GPR158: variants seen among roughly 807,000 people sequenced by gnomAD.
GPR158 encodes metabotropic glycine receptor.
Under a neutral mutation model 78.2 loss-of-function variants are expected in GPR158, and 30 were observed. The ratio of observed to expected loss-of-function variants is 0.38; its 90% CI spans 0.29 to 0.52. GPR158 has a LOEUF of 0.52. GPR158 is among the 20% of genes least tolerant of loss of function. GPR158 has a pLI of 0.83. For synonymous variants in GPR158, 581 were observed against 591.1 expected, an observed-to-expected ratio of 0.98 and a Z score of 0.25; for missense variants, 1,463 against 1,523.5, an observed-to-expected ratio of 0.96 and a Z score of 0.66.
chr10:25,420,010 G>T (rs2130559370), intron 4 of GPR158, among the ~76,000 whole-genome samples: 1 of 151,954 alleles, frequency 6.6e-6, no homozygotes, highest in South Asian at 2.1e-4. Context: ...AGGTTATTTG[G>T]TTTTTCATTG....
chr10:25,326,424 T>C (rs1390669557), intron 2 of GPR158, among the ~76,000 whole-genome samples: 1 of 152,194 alleles, frequency 6.6e-6, no homozygotes, highest in Non-Finnish European at 1.5e-5. Flanking sequence ...TTTTTAAATA[T>C]ATTTTGGATG....
chr10:25,594,779 T>G (rs886651795), intron 9 of GPR158, among the ~76,000 whole-genome samples: 1 of 152,164 alleles, frequency 6.6e-6, no homozygotes, highest in Non-Finnish European at 1.5e-5. Flanking sequence ...TTCAAATAAT[T>G]TTTTATGTAT....
chr10:25,355,535 G>A (rs116858090), intron 2 of GPR158, among the ~76,000 whole-genome samples: 1,556 of 152,122 alleles, frequency 0.01, 11 homozygotes, highest in Non-Finnish European at 0.016. Context: ...TTATCTGTTT[G>A]AGGAGGTCAT....
intron 1 of GPR158, among the ~76,000 whole-genome samples, chr10:25,215,235 CA>C (rs992010818): frequency 1.4e-4 from 22 of 152,218 alleles, no homozygotes; most frequent in African/African-American, 4.8e-4. Context: ...ACCTCGGGGA[CA>C]TTATACTAAG....
At chr10:25,372,314 T>C (rs1304569850) in intron 2 of GPR158, among the ~76,000 whole-genome samples, 2 of 151,816 alleles carry the variant, frequency 1.3e-5, no homozygotes, top group Non-Finnish European at 2.9e-5. Context: ...TCCTCAGGGA[T>C]CTAGAACTAG....
chr10:25,448,083 C>CTTTTTT (rs35421884), intron 4 of GPR158, among the ~76,000 whole-genome samples: 17 of 118,136 alleles, frequency 1.4e-4, no homozygotes, highest in African/African-American at 3.2e-4. Flanking sequence ...TGTCTGACTT[C>CTTTTTT]TTTTTTTTTT....
chr10:25,426,873 A>C (rs1013568507), intron 4 of GPR158, among the ~76,000 whole-genome samples: 1 of 152,168 alleles, frequency 6.6e-6, no homozygotes, highest in Non-Finnish European at 1.5e-5. Context: ...GTATCTGTGG[A>C]GTGCAATAAA....
intron 4 of GPR158, among the ~76,000 whole-genome samples, chr10:25,462,087 T>C (rs1157710648): frequency 2.0e-5 from 3 of 152,146 alleles, no homozygotes; most frequent in Non-Finnish European, 4.4e-5. Context: ...GCTTCAAAAC[T>C]TCAAAGGAAA....
At chr10:25,468,592 T>C (rs1011704654) in intron 5 of GPR158, among the ~76,000 whole-genome samples, 1 of 152,178 alleles carries the variant, frequency 6.6e-6, no homozygotes, top group Non-Finnish European at 1.5e-5. Flanking sequence ...CACCAATTAA[T>C]GTTGGAAAAA....
chr10:25,572,786 A>G lies in GPR158; in HGVS notation c.1652A>G (p.Asn551Ser). 1 of 1,613,840 alleles carries G rather than the reference A, an allele frequency of 6.2e-7. No homozygotes were observed. The highest frequency in any genetic ancestry group is 8.5e-7 in the Non-Finnish European group (1 of 1,179,766). Reference sequence around the variant, plus strand: ...GGCTGGACTTCATCTGTGTGCCAGAATTTGGAGAAACAGATTTCACTTATT... The same window carrying G: ...GGCTGGACTTCATCTGTGTGCCAGAGTTTGGAGAAACAGATTTCACTTATT... ...LIGWTSSVCQ[N>S]LEKQISLIGQ... Residue 551 changes from asparagine to serine, a missense_variant, in exon 7 of 11, where the codon AAT becomes AGT. Coordinates refer to ENST00000376351, the MANE Select transcript of GPR158 (RefSeq NM_020752.3).
intron 5 of GPR158, among the ~76,000 whole-genome samples, chr10:25,486,897 T>C (rs894001619): frequency 6.6e-6 from 1 of 152,164 alleles, no homozygotes; most frequent in Admixed American, 6.6e-5. Flanking sequence ...TTCTATTCTT[T>C]GAGCTTTCCA....
intron 1 of GPR158, among the ~76,000 whole-genome samples, chr10:25,194,468 A>G (rs75256057): frequency 0.16 from 25,063 of 152,076 alleles, 2,518 homozygotes; most frequent in African/African-American, 0.26. Flanking sequence ...CAGCCCAGGA[A>G]GCGGAGGTTG....
In GPR158 at chr10:25,511,840, TGTAA is replaced by T. The variant is rs534035321; in HGVS notation, c.1405-39132_1405-39129del. ...TTTGATTTGTCGAAGATCAGTTGGC[TGTAA>T]GTATTTGGCTTTATTTCTGGGTTCT... On this transcript the variant is annotated intron_variant, in intron 5 of 10. Transcript: ENST00000376351. Among the ~76,000 whole-genome samples the T allele has an allele frequency of 2.5e-3, 381 of 152,306 alleles. 4 individuals carry two copies. Among genetic ancestry groups the T allele is most frequent in the African/African-American group, 8.8e-3 (366 of 41,576 alleles).
chr10:25,192,392 C>T (rs776869240), intron 1 of GPR158, among the ~76,000 whole-genome samples: 4 of 152,128 alleles, frequency 2.6e-5, no homozygotes, highest in Non-Finnish European at 4.4e-5. Context: ...AGTGTGAGAA[C>T]GGACTAATAC....
intron 5 of GPR158, among the ~76,000 whole-genome samples, chr10:25,525,818 A>C (rs1382478627): frequency 6.6e-6 from 1 of 152,196 alleles, no homozygotes; most frequent in African/African-American, 2.4e-5. Context: ...TATAAAAGTC[A>C]TAGTAGGGCC....
intron 4 of GPR158, among the ~76,000 whole-genome samples, chr10:25,417,263 A>C (rs370464240): frequency 6.6e-6 from 1 of 152,212 alleles, no homozygotes; most frequent in African/African-American, 2.4e-5. Flanking sequence ...GAATACTTAA[A>C]TACAGCACAG....
chr10:25,237,719 A>G (rs898330617), intron 2 of GPR158, among the ~76,000 whole-genome samples: 2 of 152,032 alleles, frequency 1.3e-5, no homozygotes, highest in Non-Finnish European at 2.9e-5. Context: ...CTCTCTGACA[A>G]ACAGTGAGTT....
chr10:25,441,165 ACT>A (rs937390177), intron 4 of GPR158, among the ~76,000 whole-genome samples: 74 of 152,032 alleles, frequency 4.9e-4, no homozygotes, highest in African/African-American at 1.7e-3. Context: ...GAGCTTCAGG[ACT>A]CTCTTTATCC....
intron 4 of GPR158, among the ~76,000 whole-genome samples, chr10:25,438,490 C>A (rs190705249): frequency 2.1e-4 from 32 of 152,290 alleles, no homozygotes; most frequent in African/African-American, 6.3e-4. Flanking sequence ...ATTCATTCTC[C>A]ATTCTTCAGC....
Sources: allele counts gnomAD v4.1 joint callset (sites outside exome capture counted in the v4.1 genomes callset), GRCh38; gene constraint gnomAD v4.1.1; transcripts MANE v1.5; gene names NCBI Gene and HGNC (gene_info 2026-07-23, HGNC 2026-07-21).